Variants in APCDD1L observed in about 807,000 individuals in gnomAD.
APCDD1L encodes protein APCDD1-like.
APCDD1L carries 21 observed loss-of-function variants against 24.2 expected under a neutral mutation model. The ratio of observed to expected loss-of-function variants is 0.87; its 90% confidence interval spans 0.61 to 1.25. APCDD1L has a LOEUF of 1.25. Ranked by LOEUF, APCDD1L falls within the 50% of genes most tolerant of loss-of-function variation. APCDD1L has a pLI of 0.00. For synonymous variants in APCDD1L, 321 were observed against 323.6 expected, an observed-to-expected ratio of 0.99 and a Z score of 0.09; for missense variants, 704 against 711.7, an observed-to-expected ratio of 0.99 and a Z score of 0.12.
At chr20:58,474,588 C>T (rs1326288124) in intron 1 of APCDD1L, among the ~76,000 whole-genome samples, 2 of 152,142 alleles carry the variant, frequency 1.3e-5, no homozygotes, top group Non-Finnish European at 2.9e-5. Flanking sequence ...CCTGTAATCC[C>T]AGCTATTCGG....
rs895467782 is a variant in APCDD1L at position 58,494,393 on chromosome 20, A to C, written c.49+20266T>G. Among the ~76,000 whole-genome samples the C allele has an allele frequency of 1.3e-5, 2 of 151,756 alleles. No homozygotes were observed. The highest frequency in any genetic ancestry group is 2.9e-5 in the Non-Finnish European group (2 of 67,988). ...CATTCTGTCGCATAGGCTAGAGTAC[A>C]ATGGGATCGGCTCACTGCAGCCTCA... On this transcript the variant is annotated intron_variant, in intron 1 of 3. Transcript: ENST00000371149. The surrounding 1 kb of genome is among the most constrained non-coding windows in gnomAD (Gnocchi z 4.8).
chr20:58,473,413 C>T (rs1050437594), intron 1 of APCDD1L, among the ~76,000 whole-genome samples: 8 of 152,164 alleles, frequency 5.3e-5, no homozygotes, highest in African/African-American at 1.4e-4. Flanking sequence ...TTGCTGCATT[C>T]GGAACATGTA....
chr20:58,467,073 C>G lies in APCDD1L; in HGVS notation c.741+33G>C. 6.4e-7 allele frequency: 1 copy of G among 1,559,384 alleles called. No individual in the cohort carries two copies. The highest frequency in any genetic ancestry group is 1.7e-4 in the Middle Eastern group (1 of 5,878). ...GAGCTCGCCTCCCCGAGACCACCAC[C>G]CCCCTCTCCCACACCCCAACACACA... On this transcript the variant is annotated intron_variant, in intron 3 of 3. Coordinates refer to ENST00000371149, the MANE Select transcript of APCDD1L (RefSeq NM_153360.3). The surrounding 1 kb of genome is among the most constrained non-coding windows in gnomAD (Gnocchi z 5.9).
intron 1 of APCDD1L, among the ~76,000 whole-genome samples, chr20:58,488,055 T>C (rs1462512487): frequency 6.6e-6 from 1 of 152,180 alleles, no homozygotes; most frequent in African/African-American, 2.4e-5. Flanking sequence ...TTCCATGGTT[T>C]CAGTTACCTG....
chr20:58,482,384 T>A (rs1254903637), intron 1 of APCDD1L, among the ~76,000 whole-genome samples: 7 of 152,206 alleles, frequency 4.6e-5, no homozygotes, highest in Non-Finnish European at 1.5e-5. Context: ...ATTTTTAAAT[T>A]ACCATATAAA....
At chr20:58,504,093 G>A (rs951541574) in intron 1 of APCDD1L, among the ~76,000 whole-genome samples, 4 of 152,198 alleles carry the variant, frequency 2.6e-5, no homozygotes, top group African/African-American at 9.7e-5. Context: ...ATGGAGCCCA[G>A]GCAGGCAAAA....
chr20:58,499,354 G>T lies in APCDD1L; in HGVS notation c.49+15305C>A, dbSNP rs562994215. Reference sequence around the variant, plus strand: ...GGCTTTGCCACAGTGAGAGAGGACGGGAATGGAACCCAAGGGAAGCCTGCA... The same window carrying T: ...GGCTTTGCCACAGTGAGAGAGGACGTGAATGGAACCCAAGGGAAGCCTGCA... On this transcript the variant is annotated intron_variant, in intron 1 of 3. Transcript: ENST00000371149. 1.2e-4 allele frequency among the ~76,000 whole-genome samples: 19 copies of T among 152,240 alleles called. No individual in the cohort carries two copies. The South Asian group carries it at 3.9e-3, about 32-fold the overall frequency.
chr20:58,464,804 G>A (rs562783620), intron 3 of APCDD1L, among the ~76,000 whole-genome samples: 1 of 152,086 alleles, frequency 6.6e-6, no homozygotes, highest in Non-Finnish European at 1.5e-5. Context: ...CATTTCTTGG[G>A]GATTTCTCTG....
At chr20:58,470,302 T>C (rs1242665214) in intron 2 of APCDD1L, among the ~76,000 whole-genome samples, 1 of 152,236 alleles carries the variant, frequency 6.6e-6, no homozygotes. Flanking sequence ...GTTTATATTA[T>C]TCATTTGTGT....
chr20:58,484,750 T>C (rs1305124206), intron 1 of APCDD1L, among the ~76,000 whole-genome samples: 2 of 152,044 alleles, frequency 1.3e-5, no homozygotes, highest in African/African-American at 2.4e-5. Context: ...AAGAGTCCAA[T>C]AAAAACAGGC....
intron 1 of APCDD1L, among the ~76,000 whole-genome samples, chr20:58,511,520 A>C (rs1362986589): frequency 6.6e-6 from 1 of 152,250 alleles, no homozygotes. Context: ...GAAATCAAGG[A>C]AGCTGCTGTA....
At chr20:58,478,376 C>G (rs999211026) in intron 1 of APCDD1L, among the ~76,000 whole-genome samples, 6 of 151,700 alleles carry the variant, frequency 4.0e-5, no homozygotes, top group African/African-American at 1.5e-4. Context: ...TCCTTCCTTC[C>G]TTCCTTCCCT....
rs1990350356 is a variant in APCDD1L, at chr20:58,497,590, C to T, written c.49+17069G>A. Among the ~76,000 whole-genome samples, 1 of 152,156 alleles carries T rather than the reference C, an allele frequency of 6.6e-6. No homozygotes were observed. The highest frequency in any genetic ancestry group is 6.5e-5 in the Admixed American group (1 of 15,286). On this transcript the variant is annotated intron_variant, in intron 1 of 3. Transcript: ENST00000371149. The surrounding 1 kb of genome is among the most constrained non-coding windows in gnomAD (Gnocchi z 4.3). ...CTCTTCACATCGTCTTCCTTCGACG[C>T]AGGTCTGCGTCCAAATATCCCCTTT... is the stretch of plus-strand genomic sequence containing the variant.
chr20:58,493,498 A>T (rs537172378), intron 1 of APCDD1L, among the ~76,000 whole-genome samples: 6 of 152,240 alleles, frequency 3.9e-5, no homozygotes, highest in Non-Finnish European at 7.3e-5. Flanking sequence ...GCTTCCTCAC[A>T]CATTGGAATA....
At chr20:58,507,845 C>T (rs184584355) in intron 1 of APCDD1L, among the ~76,000 whole-genome samples, 1 of 152,258 alleles carries the variant, frequency 6.6e-6, no homozygotes, top group East Asian at 1.9e-4. Flanking sequence ...AACATGTGAC[C>T]AGGCAGTTCA....
chr20:58,472,265 G>T (rs757723060), intron 1 of APCDD1L, among the ~76,000 whole-genome samples: 1 of 152,184 alleles, frequency 6.6e-6, no homozygotes, highest in Non-Finnish European at 1.5e-5. Context: ...ACTGGGTGTG[G>T]ACCCCTTGCT....
At chr20:58,481,824 G>C (rs1374383671) in intron 1 of APCDD1L, among the ~76,000 whole-genome samples, 3 of 152,184 alleles carry the variant, frequency 2.0e-5, no homozygotes, top group African/African-American at 7.2e-5. Flanking sequence ...GCCAGCTCTG[G>C]TGCCCAAACT....
intron 1 of APCDD1L, among the ~76,000 whole-genome samples, chr20:58,481,449 C>T (rs1990022907): frequency 6.6e-6 from 1 of 152,154 alleles, no homozygotes; most frequent in Non-Finnish European, 1.5e-5. Context: ...CTCTTCATGG[C>T]CTTGGCAACT....
At chr20:58,477,772 C>T (rs1989938310) in intron 1 of APCDD1L, among the ~76,000 whole-genome samples, 1 of 152,090 alleles carries the variant, frequency 6.6e-6, no homozygotes, top group African/African-American at 2.4e-5. Flanking sequence ...TCTCTAGTTC[C>T]ATCACTCTTT....
Sources: gnomAD v4.1 joint callset for allele counts (sites outside exome capture counted in the v4.1 genomes callset) on GRCh38, gnomAD v4.1.1 for gene constraint, Gnocchi (gnomAD v3.1) non-coding constraint, MANE v1.5 for transcripts, NCBI Gene and HGNC (gene_info 2026-07-23, HGNC 2026-07-21) for gene names.